RABGGTA: variants seen among roughly 807,000 people sequenced by gnomAD.
The protein encoded by RABGGTA is geranylgeranyl transferase type-2 subunit alpha.
Under a neutral mutation model 83.3 loss-of-function variants are expected in RABGGTA, and 69 were observed. That is an observed-to-expected ratio of 0.83 (90% CI 0.68 to 1.01). RABGGTA has a LOEUF of 1.01. RABGGTA is among the 50% of genes least tolerant of loss of function. The pLI is 0.00. For missense variants in RABGGTA, 681 were observed against 712.7 expected, an observed-to-expected ratio of 0.96 and a Z score of 0.51; for synonymous variants, 310 against 299.8, an observed-to-expected ratio of 1.03 and a Z score of -0.35.
In RABGGTA at chr14:24,268,719, G is replaced by T; in HGVS notation, c.900+6C>A. 6.2e-7 allele frequency: 1 copy of T among 1,601,566 alleles called. No homozygotes were observed. On this transcript the variant is annotated splice_donor_region_variant and intron_variant, in intron 9 of 16. Coordinates refer to ENST00000216840, the MANE Select transcript of RABGGTA (RefSeq NM_182836.3). The stretch of plus-strand genomic sequence containing the variant: ...CCCAACTTCTGCCCCACCAATCCTG[G>T]GATACCCAGACATGGCTGGGCCGGT...
intron 6 of RABGGTA, 49 bp downstream of exon 6, chr14:24,269,442 G>A (rs760488915): frequency 6.6e-7 from 1 of 1,518,074 alleles, no homozygotes; most frequent in South Asian, 1.1e-5. Context: ...CATGGGGGCT[G>A]GAAGGGTGGC....
Position 24,265,657 on chromosome 14 carries a change from T to C in RABGGTA, c.1662A>G (p.Gln554=), listed in dbSNP as rs765433891. The change falls in exon 17 of 17, where the codon CAA becomes CAG. Residue 554 remains glutamine, a synonymous_variant. Transcript: ENST00000216840. ...TAACTGAAGGCAGCAGTTCAGCCAG[T>C]TGCTCCAAGATGCCCACCGCTTGGC... The part of the protein sequence containing the change: ...PLCQAVGILE[Q]LAELLPSVSS... 10 of 1,613,744 alleles carry C rather than the reference T, an allele frequency of 6.2e-6. No homozygotes were observed. In the Admixed American group the frequency reaches 6.7e-5, roughly 11 times the overall value.
In RABGGTA at chr14:24,265,782, G is replaced by C; in HGVS notation, c.1556-19C>G. On this transcript the variant is annotated intron_variant, in intron 16 of 16. Coordinates refer to ENST00000216840, the MANE Select transcript of RABGGTA (RefSeq NM_182836.3). ...TGGAGGCCTTGTTCAGGAGAGTCAA[G>C]GAAAGCTTGGCAGGTTCCTCCCAAT... 1 of 1,589,612 alleles carries C rather than the reference G, an allele frequency of 6.3e-7. No homozygotes were observed. Among genetic ancestry groups the C allele is most frequent in the Non-Finnish European group, 8.6e-7 (1 of 1,166,748 alleles).
intron 3 of RABGGTA, 65 bp from the exon 4 acceptor site, chr14:24,270,523 A>C: frequency 6.3e-7 from 1 of 1,580,560 alleles, no homozygotes. Flanking sequence ...AAATAACGTA[A>C]ACTTAAAACC....
Position 24,270,554 on chromosome 14 carries a change from C to T in RABGGTA, c.115-96G>A. The T allele has an allele frequency of 5.4e-6, 8 of 1,469,506 alleles. No homozygotes were observed. The Admixed American group carries it at 1.4e-4, about 27-fold the overall frequency. The allele number at this position is 1,469,506 out of a possible 1,614,324, so 91.0% of individuals were successfully genotyped here. On this transcript the variant is annotated intron_variant, in intron 3 of 16. Transcript: ENST00000216840. The stretch of plus-strand genomic sequence containing the variant: ...AAACCATCCAATATTCTGTGAATCC[C>T]ACATTATACAACAGGTACTATGAAC...
chr14:24,266,760 G>C lies in RABGGTA; in HGVS notation c.1467+16C>G, dbSNP rs534126074. 1 of 1,593,624 alleles carries C rather than the reference G, an allele frequency of 6.3e-7. No individual in the cohort carries two copies. Among genetic ancestry groups the C allele is most frequent in the Non-Finnish European group, 8.6e-7 (1 of 1,161,906 alleles). On this transcript the variant is annotated intron_variant, in intron 15 of 16. Coordinates refer to ENST00000216840, the MANE Select transcript of RABGGTA (RefSeq NM_182836.3). ...AAGAACCACCCGTGACAGGGACGGA[G>C]ACATGGGTACTTTACCTCAAGGCAG...
chr14:24,266,609 C>G (rs1263811638), intron 15 of RABGGTA, 92 bp from the exon 16 acceptor site: 1 of 1,327,926 alleles, frequency 7.5e-7, no homozygotes, highest in Non-Finnish European at 1.1e-6. Context: ...GTCCACAGAG[C>G]ACAGAGGGGC....
chr14:24,270,341 T>A lies in RABGGTA; in HGVS notation c.232A>T (p.Thr78Ser), dbSNP rs1255072974. 6.2e-7 allele frequency: 1 copy of A among 1,611,450 alleles called. No homozygotes were observed. The highest frequency in any genetic ancestry group is 2.2e-5 in the East Asian group (1 of 44,746). The change falls in exon 4 of 17, where the codon ACT (threonine) becomes TCT (serine). Residue 78 changes from threonine to serine, a missense_variant. Thr to Ser is a moderately conservative substitution (Grantham distance 58, BLOSUM62 1). Transcript: ENST00000216840. ...TCCTGAATCCCTACGCACTTCTGAG[T>A]CTCCAGCTGCTGGAGCACCTCTCGT... Reference protein sequence around the residue: ...CRREVLQQLETQKSPEELAAL... With the variant: ...CRREVLQQLESQKSPEELAAL...
chr14:24,270,747 C>T, intron 3 of RABGGTA, 90 bp downstream of exon 3: 1 of 1,509,636 alleles, frequency 6.6e-7, no homozygotes, highest in Non-Finnish European at 9.0e-7. Flanking sequence ...AGAATTGGAT[C>T]TAGGCAGTCT....
At chr14:24,268,346 G>C in intron 11 of RABGGTA, 23 bp downstream of exon 11, 1 of 1,612,942 alleles carries the variant, frequency 6.2e-7, no homozygotes, top group Non-Finnish European at 8.5e-7. Flanking sequence ...CCCTCTCCTT[G>C]TTTTGTGCTT....
chr14:24,269,475 C>T lies in RABGGTA; in HGVS notation c.631+16G>A, dbSNP rs2040916735. The stretch of plus-strand genomic sequence containing the variant: ...GGCACTGCAGAGTCCTCCTGAGCAT[C>T]CCTGACCCTGGTTACCTTTGAGCAG... On this transcript the variant is annotated intron_variant, in intron 6 of 16. Transcript: ENST00000216840. 6.4e-7 allele frequency: 1 copy of T among 1,550,774 alleles called. No homozygotes were observed. Among genetic ancestry groups the T allele is most frequent in the East Asian group, 2.2e-5 (1 of 44,564 alleles).
At chr14:24,270,645 A>T (rs559911622) in intron 3 of RABGGTA, among the ~76,000 whole-genome samples, 187 bp from the exon 4 acceptor site, 8 of 152,230 alleles carry the variant, frequency 5.3e-5, no homozygotes, top group Non-Finnish European at 7.3e-5. Flanking sequence ...CAGTAGGTGC[A>T]ATTATTAGCC....
intron 11 of RABGGTA, 70 bp downstream of exon 11, chr14:24,268,299 C>T: frequency 1.9e-6 from 3 of 1,610,918 alleles, no homozygotes; most frequent in Admixed American, 1.7e-5. Context: ...AGGCCCCAGC[C>T]TCCTGCCCTG....
chr14:24,267,178 G>A (rs1048853821), intron 14 of RABGGTA, among the ~76,000 whole-genome samples: 17 of 152,158 alleles, frequency 1.1e-4, no homozygotes, highest in Non-Finnish European at 2.4e-4. Context: ...ACAAAGACTG[G>A]TCCCCCATGG....
intron 15 of RABGGTA, 22 bp downstream of exon 15, chr14:24,266,754 G>C: frequency 6.3e-7 from 1 of 1,583,850 alleles, no homozygotes; most frequent in Non-Finnish European, 8.7e-7. Context: ...CCGTGACAGG[G>C]ACGGAGACAT....
Position 24,265,721 on chromosome 14 carries a change from G to C in RABGGTA, c.1598C>G (p.Pro533Arg). 1 of 1,612,332 alleles carries C rather than the reference G, an allele frequency of 6.2e-7. No individual in the cohort carries two copies. Among genetic ancestry groups the C allele is most frequent in the East Asian group, 2.2e-5 (1 of 44,848 alleles). Residue 533 changes from proline (P) to arginine (R), a missense_variant, in exon 17 of 17, where the codon CCC (proline) becomes CGC (arginine). Coordinates refer to ENST00000216840, the MANE Select transcript of RABGGTA (RefSeq NM_182836.3). ...CTGCAGGTTGAGGAGGACCAGCCTG[G>C]GGCAGGAGGCAAGAGGCTGGAGCAC... Reference protein sequence around the residue: ...PAVLQPLASCPRLVLLNLQGN... With the variant: ...PAVLQPLASCRRLVLLNLQGN...
chr14:24,265,648 T>C lies in RABGGTA; in HGVS notation c.1671A>G (p.Glu557=). The change falls in exon 17 of 17, where the codon GAA becomes GAG. Residue 557 remains glutamate, a synonymous_variant. Coordinates refer to ENST00000216840, the MANE Select transcript of RABGGTA (RefSeq NM_182836.3). Reference sequence around the variant, plus strand: ...GGACGCTGCTAACTGAAGGCAGCAGTTCAGCCAGTTGCTCCAAGATGCCCA... The same window carrying C: ...GGACGCTGCTAACTGAAGGCAGCAGCTCAGCCAGTTGCTCCAAGATGCCCA... The part of the protein sequence containing the change: ...QAVGILEQLA[E]LLPSVSSVLT 1 of 1,613,750 alleles carries C rather than the reference T, an allele frequency of 6.2e-7. No homozygotes were observed. The highest frequency in any genetic ancestry group is 8.5e-7 in the Non-Finnish European group (1 of 1,179,820).
chr14:24,271,301 T>C, intron 1 of RABGGTA, 132 bp from the exon 2 acceptor site: 1 of 665,456 alleles, frequency 1.5e-6, no homozygotes, highest in South Asian at 3.5e-5. Context: ...CTTTGCACGT[T>C]CCACAAGAGG....
intron 5 of RABGGTA, 64 bp from the exon 6 acceptor site, chr14:24,269,758 C>A (rs1566387911): frequency 6.5e-7 from 1 of 1,544,198 alleles, no homozygotes. Context: ...GGCTGGGACC[C>A]CTAGAGTCCC....
Sources: allele counts gnomAD v4.1 joint callset (sites outside exome capture counted in the v4.1 genomes callset), GRCh38; gene constraint gnomAD v4.1.1; transcripts MANE v1.5; gene names NCBI Gene and HGNC (gene_info 2026-07-23, HGNC 2026-07-21).